PPARGC1A: variants seen among roughly 807,000 people sequenced by gnomAD.
PPARGC1A encodes the protein PPARG coactivator 1 alpha.
In PPARGC1A, 25 loss-of-function variants were observed where a neutral mutation model predicts 88.7. The ratio of observed to expected loss-of-function variants is 0.28; its 90% CI spans 0.21 to 0.39. The LOEUF (loss-of-function observed/expected upper bound fraction) is 0.39, where lower values mean the gene tolerates loss of function less well. Ranked by LOEUF, PPARGC1A falls within the 10% of genes least tolerant of loss-of-function variation. The pLI is 1.00. For synonymous variants in PPARGC1A, 363 were observed against 355.6 expected (o/e 1.02, Z -0.24); for missense variants, 880 against 968.7 (o/e 0.91, Z 1.22).
chr4:23,949,652 T>C, the PPARGC1A span, among the ~76,000 whole-genome samples: 2 of 152,294 alleles, frequency 1.3e-5, no homozygotes, highest in Admixed American at 6.5e-5. Context: ...CAGGCCTCTG[T>C]AGACTTTGCA....
chr4:24,307,537 A>T, the PPARGC1A span, among the ~76,000 whole-genome samples: 1 of 152,194 alleles, frequency 6.6e-6, no homozygotes, highest in African/African-American at 2.4e-5. Flanking sequence ...CCTTGGCCTC[A>T]AGAAGCTTAG....
the PPARGC1A span, among the ~76,000 whole-genome samples, chr4:24,326,979 C>G: frequency 6.6e-6 from 1 of 152,184 alleles, no homozygotes; most frequent in Non-Finnish European, 1.5e-5. Flanking sequence ...TCTATACAGT[C>G]TGATAACAGA....
chr4:23,952,167 C>G, the PPARGC1A span, among the ~76,000 whole-genome samples: 1 of 152,086 alleles, frequency 6.6e-6, no homozygotes, highest in Non-Finnish European at 1.5e-5. Context: ...TTCGTAGCCT[C>G]ATAGGAGTCT....
chr4:24,077,853 A>G, the PPARGC1A span, among the ~76,000 whole-genome samples: 5 of 152,030 alleles, frequency 3.3e-5, no homozygotes, highest in Admixed American at 2.6e-4. Flanking sequence ...CTGATCTTCA[A>G]ATTTTCATGT....
chr4:24,330,204 C>T, the PPARGC1A span, among the ~76,000 whole-genome samples: 1 of 152,108 alleles, frequency 6.6e-6, no homozygotes, highest in Admixed American at 6.5e-5. Flanking sequence ...GGTCTTTGTC[C>T]CCTCCCCTTG....
At chr4:23,864,270 T>C (rs1731752016) in intron 2 of PPARGC1A, among the ~76,000 whole-genome samples, 1 of 152,226 alleles carries the variant, frequency 6.6e-6, no homozygotes, top group African/African-American at 2.4e-5. Flanking sequence ...CATTTTACTA[T>C]CTACATTTTA....
chr4:23,855,252 T>C (rs1387425960), intron 2 of PPARGC1A, among the ~76,000 whole-genome samples: 1 of 152,174 alleles, frequency 6.6e-6, no homozygotes, highest in Admixed American at 6.5e-5. Flanking sequence ...CTCAGGTATG[T>C]CTTTAGCAGC....
the PPARGC1A span, among the ~76,000 whole-genome samples, chr4:24,202,513 G>A: frequency 6.6e-6 from 1 of 152,064 alleles, no homozygotes; most frequent in Non-Finnish European, 1.5e-5. Context: ...AGTGTTTTGG[G>A]GTGAAAGCTG....
chr4:24,127,362 T>G, the PPARGC1A span, among the ~76,000 whole-genome samples: 3 of 152,032 alleles, frequency 2.0e-5, no homozygotes, highest in Non-Finnish European at 4.4e-5. Context: ...TTTCACGCCA[T>G]AAGCCATAGT....
intron 1 of PPARGC1A, among the ~76,000 whole-genome samples, chr4:23,888,050 G>A (rs926107854): frequency 3.9e-5 from 6 of 152,186 alleles, no homozygotes; most frequent in African/African-American, 1.4e-4. Flanking sequence ...GGCATAATAC[G>A]TTTTAGGATG....
chr4:24,291,034 C>T, the PPARGC1A span, among the ~76,000 whole-genome samples: 2 of 152,198 alleles, frequency 1.3e-5, 1 homozygote, highest in Admixed American at 1.3e-4. Context: ...CCCATTCACC[C>T]CTCCTCTCTG....
rs1721189366 is a variant in PPARGC1A, at chr4:23,812,868, C to A, written c.1899-1G>T. 1.2e-6 allele frequency: 2 copies of A among 1,613,806 alleles called. No homozygotes were observed. Among genetic ancestry groups the A allele is most frequent in the Non-Finnish European group, 8.5e-7 (1 of 1,179,984 alleles). ...CTGATATTCCTCGTAGCTGTCATAC[C>A]TGGGAAACATAACTTTATCACTAAG... is the stretch of plus-strand genomic sequence containing the variant. On this transcript the variant is annotated splice_acceptor_variant, in intron 9 of 12. Transcript: ENST00000264867. LOFTEE classifies it high-confidence loss of function.
the PPARGC1A span, among the ~76,000 whole-genome samples, chr4:24,197,974 G>A: frequency 1.3e-5 from 2 of 152,156 alleles, no homozygotes; most frequent in African/African-American, 4.8e-5. Flanking sequence ...GGATCTCTTT[G>A]CAGCCTGAAA....
At chr4:24,247,490 G>A in the PPARGC1A span, among the ~76,000 whole-genome samples, 720 of 152,230 alleles carry the variant, frequency 4.7e-3, 6 homozygotes, top group South Asian at 8.9e-3. Flanking sequence ...TCATTATGAT[G>A]ATAGAGTAAA....
At chr4:24,400,177 A>G in the PPARGC1A span, among the ~76,000 whole-genome samples, 1 of 152,174 alleles carries the variant, frequency 6.6e-6, no homozygotes, top group Non-Finnish European at 1.5e-5. Context: ...TGTCAACTTG[A>G]TTGGATTGGG....
At chr4:23,873,635 A>G (rs1348028783) in intron 2 of PPARGC1A, among the ~76,000 whole-genome samples, 50 of 152,014 alleles carry the variant, frequency 3.3e-4, no homozygotes, top group Non-Finnish European at 7.4e-5. Flanking sequence ...ATGATTCTCT[A>G]TCTCAACTAA....
the PPARGC1A span, among the ~76,000 whole-genome samples, chr4:23,985,596 T>C: frequency 3.4e-4 from 31 of 90,778 alleles, no homozygotes; most frequent in African/African-American, 1.2e-3. Context: ...TCCATAAGCA[T>C]TGTGATTTTG....
intron 2 of PPARGC1A, 86 bp downstream of exon 2, chr4:23,884,666 T>A: frequency 8.6e-7 from 1 of 1,167,686 alleles, no homozygotes; most frequent in Middle Eastern, 2.1e-4. Context: ...AAGTAAGAAC[T>A]CATTATGCAT....
chr4:23,934,929 C>A, the PPARGC1A span, among the ~76,000 whole-genome samples: 1 of 152,182 alleles, frequency 6.6e-6, no homozygotes, highest in Non-Finnish European at 1.5e-5. Flanking sequence ...CCCACCAGAT[C>A]TTGTGGAATT....
Sources: gnomAD v4.1 joint callset for allele counts (sites outside exome capture counted in the v4.1 genomes callset) on GRCh38, gnomAD v4.1.1 for gene constraint, MANE v1.5 for transcripts, NCBI Gene and HGNC (gene_info 2026-07-23, HGNC 2026-07-21) for gene names.